Variants in HERC3 observed in about 807,000 individuals in gnomAD.
HERC3 encodes probable E3 ubiquitin-protein ligase HERC3.
Under a neutral mutation model 129.9 loss-of-function variants are expected in HERC3, and 58 were observed. The observed-to-expected ratio is 0.45, with a 90% CI of 0.36 to 0.56. The LOEUF (loss-of-function observed/expected upper bound fraction) is 0.56, where lower values mean the gene tolerates loss of function less well. Among genes scored for constraint, HERC3 ranks in the 20% least tolerant of loss-of-function variants. The probability of loss-of-function intolerance (pLI) is 0.00; values close to 1 mark genes in which losing one functional copy is unlikely to be tolerated. For missense variants in HERC3, 835 were observed against 1,244.2 expected, an observed-to-expected ratio of 0.67 and a Z score of 4.95; for synonymous variants, 430 against 451.0, an observed-to-expected ratio of 0.95 and a Z score of 0.59.
chr4:88,626,657 C>T (rs1465047206), intron 3 of HERC3, among the ~76,000 whole-genome samples: 1 of 152,004 alleles, frequency 6.6e-6, no homozygotes, highest in Non-Finnish European at 1.5e-5. Context: ...TTTCTTAGTT[C>T]ATGTCTTTTG....
At chr4:88,665,111 G>T (rs766208311) in intron 12 of HERC3, among the ~76,000 whole-genome samples, 1 of 152,142 alleles carries the variant, frequency 6.6e-6, no homozygotes, top group South Asian at 2.1e-4. Flanking sequence ...GTTACTCAAG[G>T]TTCTTCAGAG....
intron 20 of HERC3, chr4:88,680,928 T>C: frequency 1.4e-6 from 1 of 699,614 alleles, no homozygotes; most frequent in Non-Finnish European, 1.8e-6. Context: ...CTGCTCTAGA[T>C]GACTGTGAGC....
upstream of HERC3, among the ~76,000 whole-genome samples, chr4:88,589,670 A>C (rs1024654377): frequency 6.6e-6 from 1 of 152,228 alleles, no homozygotes; most frequent in African/African-American, 2.4e-5. Context: ...TCTTCAAAAC[A>C]GTTTACGTAT....
the HERC3 span, among the ~76,000 whole-genome samples, chr4:88,549,123 T>C: frequency 6.6e-6 from 1 of 152,188 alleles, no homozygotes; most frequent in Non-Finnish European, 1.5e-5. Flanking sequence ...GTTTTATCTC[T>C]TACATTTAGT....
At chr4:88,624,251 G>A (rs72882948) in intron 3 of HERC3, among the ~76,000 whole-genome samples, 1 of 152,144 alleles carries the variant, frequency 6.6e-6, no homozygotes, top group Non-Finnish European at 1.5e-5. Context: ...TGTTTGTGTA[G>A]ACATATGTTT....
At chr4:88,642,641 A>G (rs899519479) in intron 3 of HERC3, among the ~76,000 whole-genome samples, 4 of 152,190 alleles carry the variant, frequency 2.6e-5, no homozygotes, top group Admixed American at 1.3e-4. Flanking sequence ...CTCTATCTTC[A>G]TACAGTGAAA....
chr4:88,612,328 G>GTGTGT (rs1560675041), intron 3 of HERC3, among the ~76,000 whole-genome samples: 13 of 97,930 alleles, frequency 1.3e-4, no homozygotes, highest in African/African-American at 5.3e-4. Context: ...TGTGTGTGTG[G>GTGTGT]TAAGAAGGAG....
chr4:88,609,937 C>T (rs1328058448), intron 3 of HERC3, among the ~76,000 whole-genome samples: 3 of 152,162 alleles, frequency 2.0e-5, no homozygotes, highest in Non-Finnish European at 4.4e-5. Context: ...ATTCATGCCT[C>T]CCCTTTTTAG....
intron 23 of HERC3, among the ~76,000 whole-genome samples, chr4:88,688,011 G>A (rs987581458): frequency 1.3e-5 from 2 of 152,154 alleles, no homozygotes; most frequent in South Asian, 2.1e-4. Context: ...GGGTATAGAG[G>A]GTGAATAACT....
At chr4:88,697,701 C>T (rs759308095) in intron 23 of HERC3, 22 of 1,612,114 alleles carry the variant, frequency 1.4e-5, no homozygotes, top group Middle Eastern at 3.3e-4. Context: ...CTGCCTCCGC[C>T]GCTGCCGCCG....
chr4:88,654,379 T>TATATAC (rs1729641612), intron 7 of HERC3, among the ~76,000 whole-genome samples: 1 of 99,174 alleles, frequency 1.0e-5, no homozygotes, highest in African/African-American at 3.6e-5. Context: ...TATATATATA[T>TATATAC]ATATATATAC....
the HERC3 span, among the ~76,000 whole-genome samples, chr4:88,563,680 G>A: frequency 4.7e-5 from 7 of 148,338 alleles, 1 homozygote; most frequent in African/African-American, 7.5e-5. Flanking sequence ...TTTTTTAGAC[G>A]GAGTTTTGCT....
chr4:88,555,443 T>C, the HERC3 span, among the ~76,000 whole-genome samples: 1 of 152,186 alleles, frequency 6.6e-6, no homozygotes, highest in Non-Finnish European at 1.5e-5. Context: ...TAGTTTGAGA[T>C]ATCTTAAAAA....
At position 88,652,885 on chromosome 4, in the gene HERC3, C is replaced by G; in HGVS notation, c.480C>G (p.Thr160=). The G allele has an allele frequency of 1.9e-6, 3 of 1,610,080 alleles. No individual in the cohort carries two copies. In the South Asian group the frequency reaches 3.3e-5, roughly 18 times the overall value. Residue 160 remains threonine, a synonymous_variant, in exon 6 of 26, where the codon ACC becomes ACG. Transcript: ENST00000402738. ...LALAADGQFF[T]WGKNSHGQLG... is the part of the protein sequence containing the mutation. The stretch of plus-strand genomic sequence containing the variant: ...TTATTTCAGATGGCCAGTTCTTCAC[C>G]TGGGGAAAGAACAGCCATGGGCAGC...
At chr4:88,632,795 T>G (rs542719875) in intron 3 of HERC3, among the ~76,000 whole-genome samples, 1 of 152,264 alleles carries the variant, frequency 6.6e-6, no homozygotes, top group East Asian at 1.9e-4. Context: ...GTCTAATATG[T>G]CTTTAGAGTC....
the HERC3 span, among the ~76,000 whole-genome samples, chr4:88,572,058 G>T: frequency 1.3e-5 from 2 of 152,112 alleles, no homozygotes; most frequent in Admixed American, 6.5e-5. Flanking sequence ...ACACAGACAT[G>T]CATGGAAGGA....
rs200989336 is a variant in HERC3, at chr4:88,655,221, A to G, written c.825A>G (p.Gly275=). The G allele has an allele frequency of 1.7e-5, 28 of 1,613,878 alleles. No individual in the cohort carries two copies. Among genetic ancestry groups the G allele is most frequent in the African/African-American group, 4.0e-5 (3 of 74,914 alleles). The change falls in exon 8 of 26, where the codon GGA becomes GGG. Residue 275 remains glycine, a synonymous_variant. Coordinates refer to ENST00000402738, the MANE Select transcript of HERC3 (RefSeq NM_014606.3). Reference sequence around the variant, plus strand: ...GCGCTGGTTCCTGTGGGCAACTTGGACACGACTCCATGAATGATGAGGTTA... The same window carrying G: ...GCGCTGGTTCCTGTGGGCAACTTGGGCACGACTCCATGAATGATGAGGTTA... ...TFGAGSCGQL[G]HDSMNDEVNP...
chr4:88,655,021 A>G (rs556193367), intron 7 of HERC3, among the ~76,000 whole-genome samples, 153 bp from the exon 8 acceptor site: 1 of 152,286 alleles, frequency 6.6e-6, no homozygotes, highest in African/African-American at 2.4e-5. Context: ...TTATTTTTCT[A>G]TTTAATGAAC....
At chr4:88,620,333 C>T (rs183231403) in intron 3 of HERC3, among the ~76,000 whole-genome samples, 259 of 152,290 alleles carry the variant, frequency 1.7e-3, no homozygotes, top group Non-Finnish European at 2.2e-3. Context: ...TACCTTAAAC[C>T]TAACATATTC....
Sources: allele counts gnomAD v4.1 joint callset (sites outside exome capture counted in the v4.1 genomes callset), GRCh38; gene constraint gnomAD v4.1.1; transcripts MANE v1.5; gene names NCBI Gene and HGNC (gene_info 2026-07-23, HGNC 2026-07-21).